The following ST6GALNAC3 variants were observed in gnomAD, a reference collection of about 807,000 sequenced individuals.
The protein encoded by ST6GALNAC3 is ST6 N-acetylgalactosaminide alpha-2,6-sialyltransferase 3, also known as alpha-N-acetylgalactosaminide alpha-2,6-sialyltransferase 3.
ST6GALNAC3 carries 25 observed loss-of-function variants against 32.7 expected under a neutral mutation model. That is an observed-to-expected ratio of 0.76 (90% confidence interval 0.56 to 1.07). The LOEUF is 1.07. Ranked by LOEUF, ST6GALNAC3 falls within the 50% of genes least tolerant of loss-of-function variation. ST6GALNAC3 has a pLI of 0.00. For missense variants in ST6GALNAC3, 355 were observed against 382.4 expected (o/e 0.93, Z 0.60); for synonymous variants, 129 against 133.1 (o/e 0.97, Z 0.21).
intron 1 of ST6GALNAC3, among the ~76,000 whole-genome samples, chr1:76,085,469 C>T (rs569345866): frequency 2.6e-4 from 40 of 152,210 alleles, no homozygotes; most frequent in African/African-American, 9.4e-4. Context: ...AAATACGGTA[C>T]GTGGAAGAGG....
intron 3 of ST6GALNAC3, among the ~76,000 whole-genome samples, chr1:76,517,428 T>C (rs1662240661): frequency 6.6e-6 from 1 of 151,888 alleles, no homozygotes; most frequent in East Asian, 1.9e-4. Flanking sequence ...ATCTAACTTT[T>C]ATATAGTTTT....
At chr1:76,399,322 A>C (rs1653226597) in intron 2 of ST6GALNAC3, among the ~76,000 whole-genome samples, 1 of 152,200 alleles carries the variant, frequency 6.6e-6, no homozygotes, top group Non-Finnish European at 1.5e-5. Flanking sequence ...TATTTCTGAT[A>C]CAGGTTTTCA....
In ST6GALNAC3 at chr1:76,631,054, T is replaced by G. The variant is rs756936814; in HGVS notation, c.*2248T>G. On this transcript the variant is annotated 3_prime_UTR_variant, in exon 5 of 5. Transcript: ENST00000328299. The stretch of plus-strand genomic sequence containing the variant: ...GATGAGAAACATTTGAAAACTTGCT[T>G]GCTCTCCTGCCTCGTTGTAGCTTTC... The G allele has an allele frequency of 3.0e-5, 30 of 984,502 alleles. No homozygotes were observed. The highest frequency in any genetic ancestry group is 3.5e-5 in the Non-Finnish European group (29 of 829,086). The allele number at this position is 984,502 out of a possible 1,614,324, so 61.0% of individuals were successfully genotyped here. A position where few individuals can be genotyped will look rare whatever the true frequency, so the allele number is the denominator to read the frequency against.
intron 2 of ST6GALNAC3, among the ~76,000 whole-genome samples, chr1:76,410,495 T>C (rs1021461476): frequency 6.6e-6 from 1 of 152,028 alleles, no homozygotes; most frequent in African/African-American, 2.4e-5. Flanking sequence ...GCTTTAATTT[T>C]CTCGATTTAG....
intron 1 of ST6GALNAC3, among the ~76,000 whole-genome samples, chr1:76,275,285 G>A (rs1659075836): frequency 6.6e-6 from 1 of 152,180 alleles, no homozygotes; most frequent in African/African-American, 2.4e-5. Flanking sequence ...CCTGCTTTGG[G>A]AAATTCTTCA....
intron 1 of ST6GALNAC3, among the ~76,000 whole-genome samples, chr1:76,143,391 T>TAGTGTG (rs1557651072): frequency 2.9e-4 from 12 of 41,332 alleles, no homozygotes; most frequent in Non-Finnish European, 7.3e-4. Context: ...TCTTACCAAG[T>TAGTGTG]CGTGTGTGTG....
At chr1:76,604,077 C>T (rs1024432717) in intron 3 of ST6GALNAC3, among the ~76,000 whole-genome samples, 12 of 151,970 alleles carry the variant, frequency 7.9e-5, no homozygotes, top group African/African-American at 2.2e-4. Flanking sequence ...TGCAAAGTCG[C>T]AGTCCTTTGA....
intron 1 of ST6GALNAC3, among the ~76,000 whole-genome samples, chr1:76,133,115 C>G (rs1464802583): frequency 6.6e-6 from 1 of 152,166 alleles, no homozygotes; most frequent in African/African-American, 2.4e-5. Flanking sequence ...CTACATCTTT[C>G]TGCTGGAGTC....
intron 1 of ST6GALNAC3, among the ~76,000 whole-genome samples, chr1:76,299,733 A>G (rs1242464035): frequency 1.3e-5 from 2 of 152,048 alleles, no homozygotes; most frequent in Non-Finnish European, 2.9e-5. Context: ...CTAACTTCAT[A>G]TATATATTTT....
chr1:76,222,279 C>T (rs1362540967), intron 1 of ST6GALNAC3, among the ~76,000 whole-genome samples: 1 of 152,062 alleles, frequency 6.6e-6, no homozygotes, highest in Non-Finnish European at 1.5e-5. Flanking sequence ...ATATGCAAAA[C>T]CTAAAACTGT....
chr1:76,169,920 C>A (rs906763665), intron 1 of ST6GALNAC3, among the ~76,000 whole-genome samples: 1 of 152,184 alleles, frequency 6.6e-6, no homozygotes, highest in African/African-American at 2.4e-5. Flanking sequence ...TGAAAGCACA[C>A]TGACTTTTTG....
At chr1:76,272,656 T>G (rs1658918179) in intron 1 of ST6GALNAC3, among the ~76,000 whole-genome samples, 1 of 152,154 alleles carries the variant, frequency 6.6e-6, no homozygotes, top group South Asian at 2.1e-4. Context: ...GCGTGATGGG[T>G]CCATTTTATT....
At chr1:76,219,848 G>C (rs1655668503) in intron 1 of ST6GALNAC3, among the ~76,000 whole-genome samples, 1 of 152,138 alleles carries the variant, frequency 6.6e-6, no homozygotes, top group Non-Finnish European at 1.5e-5. Context: ...AATAAGTTAG[G>C]ATTGGAGAGT....
chr1:76,485,166 T>G (rs1660025038), intron 3 of ST6GALNAC3, among the ~76,000 whole-genome samples: 1 of 152,176 alleles, frequency 6.6e-6, no homozygotes. Flanking sequence ...TCATCAGGGA[T>G]ATTGGTCTAA....
intron 2 of ST6GALNAC3, among the ~76,000 whole-genome samples, chr1:76,357,959 G>C (rs1649620237): frequency 6.6e-6 from 1 of 152,148 alleles, no homozygotes; most frequent in South Asian, 2.1e-4. Flanking sequence ...AATTTTTTCA[G>C]TATTCAGCCC....
At chr1:76,203,995 G>T (rs1379781794) in intron 1 of ST6GALNAC3, among the ~76,000 whole-genome samples, 4 of 152,090 alleles carry the variant, frequency 2.6e-5, no homozygotes, top group Admixed American at 6.5e-5. Flanking sequence ...ATCAAACAGG[G>T]TGTTTAATCA....
intron 1 of ST6GALNAC3, among the ~76,000 whole-genome samples, chr1:76,162,938 C>A (rs1346422445): frequency 6.6e-6 from 1 of 152,142 alleles, no homozygotes; most frequent in East Asian, 1.9e-4. Context: ...AGGGGAATAG[C>A]ATGTGTGTGG....
At chr1:76,299,991 G>A (rs1169384808) in intron 1 of ST6GALNAC3, among the ~76,000 whole-genome samples, 2 of 151,946 alleles carry the variant, frequency 1.3e-5, no homozygotes, top group Non-Finnish European at 2.9e-5. Context: ...TGAGTGCCAG[G>A]GCTTAGTGGA....
At chr1:76,104,386 A>G (rs1647378116) in intron 1 of ST6GALNAC3, among the ~76,000 whole-genome samples, 1 of 152,188 alleles carries the variant, frequency 6.6e-6, no homozygotes, top group African/African-American at 2.4e-5. Flanking sequence ...AGACCTCTGC[A>G]AGGGCCTCTT....
Sources: allele counts gnomAD v4.1 joint callset (sites outside exome capture counted in the v4.1 genomes callset), GRCh38; gene constraint gnomAD v4.1.1; transcripts MANE v1.5; gene names NCBI Gene and HGNC (gene_info 2026-07-23, HGNC 2026-07-21).